ZNF385B: variants seen among roughly 807,000 people sequenced by gnomAD.
The protein encoded by ZNF385B is zinc finger protein 385B.
A neutral mutation model predicts 39.2 loss-of-function variants in ZNF385B; 23 were observed. The ratio of observed to expected loss-of-function variants is 0.59; its 90% CI spans 0.42 to 0.83. The LOEUF is 0.83. ZNF385B is among the 40% of genes least tolerant of loss of function. The pLI is 0.00. For synonymous variants in ZNF385B, 205 were observed against 222.6 expected (o/e 0.92, Z 0.70); for missense variants, 552 against 598.9 (o/e 0.92, Z 0.82).
intron 1 of ZNF385B, among the ~76,000 whole-genome samples, chr2:179,823,364 C>T (rs1343434306): frequency 2.0e-5 from 3 of 152,106 alleles, no homozygotes; most frequent in Non-Finnish European, 4.4e-5. Context: ...TAATTTTATA[C>T]CTACTTTTCT....
chr2:179,676,273 A>G (rs1696780606), intron 3 of ZNF385B, among the ~76,000 whole-genome samples: 1 of 151,806 alleles, frequency 6.6e-6, no homozygotes, highest in African/African-American at 2.4e-5. Context: ...TATTTTTAGT[A>G]GAGATGGGGT....
chr2:179,807,208 C>T (rs139808685), intron 1 of ZNF385B, among the ~76,000 whole-genome samples: 1 of 152,182 alleles, frequency 6.6e-6, no homozygotes, highest in Admixed American at 6.5e-5. Context: ...TATGCTCACA[C>T]AATGGAATGC....
intron 3 of ZNF385B, among the ~76,000 whole-genome samples, chr2:179,761,045 T>C (rs1407718141): frequency 6.6e-6 from 1 of 152,122 alleles, no homozygotes; most frequent in Non-Finnish European, 1.5e-5. Flanking sequence ...AAAAAATCAA[T>C]TGAGTATGTG....
intron 3 of ZNF385B, among the ~76,000 whole-genome samples, chr2:179,698,974 T>C (rs1490016717): frequency 6.6e-6 from 1 of 152,182 alleles, no homozygotes; most frequent in Non-Finnish European, 1.5e-5. Flanking sequence ...CTATTGAAGT[T>C]TGACAAATGT....
intron 3 of ZNF385B, among the ~76,000 whole-genome samples, chr2:179,645,528 A>G (rs1692642408): frequency 6.6e-6 from 1 of 152,238 alleles, no homozygotes; most frequent in African/African-American, 2.4e-5. Context: ...TAATGTAATG[A>G]GGAAGAATTC....
chr2:179,607,660 A>G (rs973059337), intron 3 of ZNF385B, among the ~76,000 whole-genome samples: 1 of 152,178 alleles, frequency 6.6e-6, no homozygotes, highest in African/African-American at 2.4e-5. Context: ...AAGGAACAGG[A>G]GGTCATAGTC....
chr2:179,697,161 G>T (rs1515293), intron 3 of ZNF385B, among the ~76,000 whole-genome samples: 131,187 of 152,146 alleles, frequency 0.86, 57,439 homozygotes, highest in South Asian at 0.94. Flanking sequence ...TTTTGTTTTG[G>T]ACAACTGATT....
chr2:179,536,217 TTTTTAATTATC>T (rs2059557078), intron 4 of ZNF385B: 1 of 152,204 alleles, frequency 6.6e-6, no homozygotes, highest in East Asian at 1.9e-4. Flanking sequence ...CTAATTCTTT[TTTTTAATTATC>T]TGTAGATTTG....
chr2:179,630,400 C>G (rs1209910009), intron 3 of ZNF385B, among the ~76,000 whole-genome samples: 1 of 152,202 alleles, frequency 6.6e-6, no homozygotes, highest in Non-Finnish European at 1.5e-5. Context: ...GGACCTCCAG[C>G]AAATGCCAAC....
chr2:179,679,998 C>G (rs1697374944), intron 3 of ZNF385B, among the ~76,000 whole-genome samples: 1 of 152,176 alleles, frequency 6.6e-6, no homozygotes, highest in African/African-American at 2.4e-5. Flanking sequence ...TTCTTTCTCA[C>G]TTTCTTTCTT....
intron 2 of ZNF385B, among the ~76,000 whole-genome samples, chr2:179,770,100 A>T (rs1226865452): frequency 6.6e-6 from 1 of 151,800 alleles, no homozygotes; most frequent in Non-Finnish European, 1.5e-5. Flanking sequence ...CTTCCCACCC[A>T]TGAGATCTCA....
At chr2:179,616,356 C>G (rs1181414391) in intron 3 of ZNF385B, among the ~76,000 whole-genome samples, 1 of 152,130 alleles carries the variant, frequency 6.6e-6, no homozygotes, top group East Asian at 1.9e-4. Flanking sequence ...CTTTTTGAGA[C>G]AGAGTCTTGC....
intron 3 of ZNF385B, among the ~76,000 whole-genome samples, chr2:179,547,362 G>A (rs755251654): frequency 6.7e-6 from 1 of 149,654 alleles, no homozygotes; most frequent in African/African-American, 2.5e-5. Flanking sequence ...ATAGATTTAA[G>A]TCTTTAATAC....
intron 3 of ZNF385B, among the ~76,000 whole-genome samples, chr2:179,654,800 A>T (rs1559036976): frequency 1.3e-5 from 2 of 152,214 alleles, no homozygotes; most frequent in Non-Finnish European, 2.9e-5. Context: ...TAAACTTAAG[A>T]CAATGCTACA....
At chr2:179,582,059 G>T (rs1515310) in intron 3 of ZNF385B, among the ~76,000 whole-genome samples, 62,510 of 151,944 alleles carry the variant, frequency 0.41, 13,282 homozygotes, top group East Asian at 0.66. Context: ...ACTACTCCAA[G>T]TTTGCTAGCA....
intron 3 of ZNF385B, among the ~76,000 whole-genome samples, chr2:179,756,411 AT>A (rs1333273142): frequency 6.6e-6 from 1 of 151,892 alleles, no homozygotes; most frequent in Non-Finnish European, 1.5e-5. Flanking sequence ...TGCCCTTAAC[AT>A]TTTTTCCTTC....
chr2:179,747,677 T>C (rs544038756), intron 3 of ZNF385B, among the ~76,000 whole-genome samples: 21 of 152,206 alleles, frequency 1.4e-4, no homozygotes, highest in African/African-American at 4.8e-4. Context: ...ACCAGGATAT[T>C]TGATTATACG....
At chr2:179,796,418 T>C (rs1705668400) in intron 1 of ZNF385B, 1 of 152,106 alleles carries the variant, frequency 6.6e-6, no homozygotes, top group African/African-American at 2.4e-5. Context: ...ACATGCATGA[T>C]AAGGAGAATG....
chr2:179,639,888 T>G (rs1692111631), intron 3 of ZNF385B, among the ~76,000 whole-genome samples: 1 of 152,194 alleles, frequency 6.6e-6, no homozygotes, highest in Non-Finnish European at 1.5e-5. Flanking sequence ...TATCTTTATC[T>G]CAACATTGCC....
Sources: allele counts gnomAD v4.1 joint callset (sites outside exome capture counted in the v4.1 genomes callset), GRCh38; gene constraint gnomAD v4.1.1; transcripts MANE v1.5; gene names NCBI Gene and HGNC (gene_info 2026-07-23, HGNC 2026-07-21).